Variants in CFAP47 observed in about 807,000 individuals in gnomAD.
The protein encoded by CFAP47 is cilia and flagella associated protein 47.
Under a neutral mutation model 148.1 loss-of-function variants are expected in CFAP47, and 29 were observed. That is an observed-to-expected ratio of 0.20 (90% CI 0.15 to 0.27). The LOEUF is 0.27. CFAP47 is among the 10% of genes least tolerant of loss of function. The pLI, the probability that CFAP47 is intolerant of heterozygous loss-of-function variation, is 1.00. For missense variants in CFAP47, 1,872 were observed against 1,697.5 expected (o/e 1.10, Z -1.81); for synonymous variants, 664 against 577.3 (o/e 1.15, Z -2.15).
intron 22 of CFAP47, among the ~76,000 whole-genome samples, chrX:36,024,545 C>T (rs1937194232): frequency 9.0e-6 from 1 of 111,501 alleles, no homozygotes; most frequent in African/African-American, 3.3e-5. Flanking sequence ...GTGGGCTAGA[C>T]TGCCTTTCAA....
chrX:36,236,317 A>T (rs1366537678), intron 47 of CFAP47, among the ~76,000 whole-genome samples: 1 of 112,312 alleles, frequency 8.9e-6, no homozygotes, highest in Non-Finnish European at 1.9e-5. Flanking sequence ...ATTTTGTACA[A>T]CATGCTGAAC....
At chrX:36,245,915 A>C (rs868981927) in intron 48 of CFAP47, among the ~76,000 whole-genome samples, 2 of 111,610 alleles carry the variant, frequency 1.8e-5, no homozygotes, top group Middle Eastern at 4.6e-3. Context: ...ACAAAAATTA[A>C]CTCAAGATTG....
Position 36,145,171 on chromosome X carries a change from C to G in CFAP47, c.5536-48C>G, listed in dbSNP as rs67753480. On this transcript the variant is annotated intron_variant, in intron 35 of 63. Coordinates refer to ENST00000378653, the MANE Select transcript of CFAP47 (RefSeq NM_001304548.2). ...CTATTGGTTCTCTACCTATGTAGAACTCTAACTAATGCATCCTCTAATTTC... is the reference window on the plus strand; with the variant it reads ...CTATTGGTTCTCTACCTATGTAGAAGTCTAACTAATGCATCCTCTAATTTC... 1.4e-5 allele frequency: 4 copies of G among 293,244 alleles called. No individual in the cohort carries two copies. In the Admixed American group the frequency reaches 2.4e-4, roughly 18 times the overall value. The allele number at this position is 293,244 out of a possible 1,213,427, so 24.2% of individuals were successfully genotyped here. A position where few individuals can be genotyped will look rare whatever the true frequency, so the allele number is the denominator to read the frequency against.
At chrX:36,378,437 G>T (rs1256957588) in intron 62 of CFAP47, among the ~76,000 whole-genome samples, 2 of 112,203 alleles carry the variant, frequency 1.8e-5, no homozygotes, top group Non-Finnish European at 3.8e-5. Context: ...TAGCTTTGCT[G>T]GTCAGTCATT....
At chrX:36,081,900 A>G (rs987656603) in intron 29 of CFAP47, among the ~76,000 whole-genome samples, 1 of 111,497 alleles carries the variant, frequency 9.0e-6, no homozygotes, top group Non-Finnish European at 1.9e-5. Flanking sequence ...ATAAGCTGGA[A>G]CCATTTCCCT....
At chrX:36,176,641 C>T (rs1338588308) in intron 39 of CFAP47, among the ~76,000 whole-genome samples, 1 of 112,621 alleles carries the variant, frequency 8.9e-6, no homozygotes, top group Non-Finnish European at 1.9e-5. Context: ...CTTGGTGGCT[C>T]ATGCCTGTAA....
At chrX:35,974,161 C>G (rs1013318140) in intron 13 of CFAP47, among the ~76,000 whole-genome samples, 1 of 111,618 alleles carries the variant, frequency 9.0e-6, no homozygotes, top group Non-Finnish European at 1.9e-5. Flanking sequence ...CATGGAGAGT[C>G]TTTTTTACCA....
chrX:36,276,992 A>G (rs999204487), intron 49 of CFAP47, among the ~76,000 whole-genome samples: 20 of 111,751 alleles, frequency 1.8e-4, no homozygotes, highest in African/African-American at 6.5e-4. Flanking sequence ...CAGAAGCAAT[A>G]CAGAGAAAGA....
intron 33 of CFAP47, among the ~76,000 whole-genome samples, chrX:36,130,151 A>G (rs1384892598): frequency 9.0e-6 from 1 of 111,489 alleles, no homozygotes; most frequent in Non-Finnish European, 1.9e-5. Flanking sequence ...GAAATGGGAG[A>G]AAACATTTGC....
At chrX:35,994,437 A>G (rs1431756205) in intron 18 of CFAP47, among the ~76,000 whole-genome samples, 3 of 111,545 alleles carry the variant, frequency 2.7e-5, no homozygotes, top group Non-Finnish European at 5.6e-5. Flanking sequence ...TAATATATAC[A>G]CTGTTATCAG....
At chrX:36,041,036 AT>A (rs973238826) in intron 25 of CFAP47, among the ~76,000 whole-genome samples, 1 of 112,206 alleles carries the variant, frequency 8.9e-6, no homozygotes, top group African/African-American at 3.2e-5. Context: ...AAAGAAAAAA[AT>A]GATTGGAAAT....
intron 19 of CFAP47, among the ~76,000 whole-genome samples, chrX:35,999,263 C>T (rs1453601035): frequency 2.7e-5 from 3 of 112,280 alleles, no homozygotes; most frequent in African/African-American, 9.7e-5. Context: ...AGCCAGTCTA[C>T]TTTCATACGG....
At chrX:36,150,337 A>T (rs1005181711) in intron 37 of CFAP47, among the ~76,000 whole-genome samples, 1 of 112,164 alleles carries the variant, frequency 8.9e-6, no homozygotes, top group Non-Finnish European at 1.9e-5. Context: ...CATGCTAATG[A>T]CATAAATACT....
chrX:36,143,711 T>C (rs1235590451), intron 35 of CFAP47, among the ~76,000 whole-genome samples: 1 of 112,121 alleles, frequency 8.9e-6, no homozygotes, highest in Non-Finnish European at 1.9e-5. Flanking sequence ...TCTGGCTATG[T>C]TTATTGTCCT....
intron 55 of CFAP47, among the ~76,000 whole-genome samples, chrX:36,308,457 CCT>C (rs1449014835): frequency 9.0e-6 from 1 of 111,462 alleles, no homozygotes; most frequent in Non-Finnish European, 1.9e-5. Flanking sequence ...TTTAGTTCTT[CCT>C]CTTTTATTTA....
At chrX:36,330,917 T>A (rs1283336641) in intron 57 of CFAP47, among the ~76,000 whole-genome samples, 2 of 111,683 alleles carry the variant, frequency 1.8e-5, no homozygotes, top group Non-Finnish European at 3.8e-5. Flanking sequence ...TATCAATGTT[T>A]CCCTCTTTTA....
At chrX:36,149,766 G>A (rs934497348) in intron 37 of CFAP47, among the ~76,000 whole-genome samples, 18 of 107,676 alleles carry the variant, frequency 1.7e-4, no homozygotes, top group Non-Finnish European at 2.3e-4. Flanking sequence ...CTGCCACCAC[G>A]CCTGGCTAAT....
intron 54 of CFAP47, among the ~76,000 whole-genome samples, chrX:36,305,532 A>G (rs1941340316): frequency 9.0e-6 from 1 of 111,659 alleles, no homozygotes; most frequent in African/African-American, 3.2e-5. Flanking sequence ...ATCAAACATT[A>G]TTGAGCACTG....
At position 35,941,252 on chromosome X, in the gene CFAP47, T is replaced by G. The variant is rs748300791; in HGVS notation, c.402-31T>G. 2.2e-4 allele frequency: 180 copies of G among 812,928 alleles called. 1 individual carries two copies. Among genetic ancestry groups the G allele is most frequent in the Non-Finnish European group, 3.1e-4 (175 of 556,016 alleles). 67.0% of individuals were successfully genotyped at this position (812,928 alleles called of 1,213,427 possible). On this transcript the variant is annotated intron_variant, in intron 2 of 63. Coordinates refer to ENST00000378653, the MANE Select transcript of CFAP47 (RefSeq NM_001304548.2). Reference sequence around the variant, plus strand: ...TATCAGGCTCTTATGATTGTTAAATTAATTATGTGGCCTTCTTTTCTCCTC... The same window carrying G: ...TATCAGGCTCTTATGATTGTTAAATGAATTATGTGGCCTTCTTTTCTCCTC...
Sources: gnomAD v4.1 joint callset for allele counts (sites outside exome capture counted in the v4.1 genomes callset) on GRCh38, gnomAD v4.1.1 for gene constraint, MANE v1.5 for transcripts, NCBI Gene and HGNC (gene_info 2026-07-23, HGNC 2026-07-21) for gene names.